PKHD1: variants seen among roughly 807,000 people sequenced by gnomAD.
The protein encoded by PKHD1 is PKHD1 ciliary IPT domain containing fibrocystin/polyductin.
Under a neutral mutation model 412.0 loss-of-function variants are expected in PKHD1, and 291 were observed. The ratio of observed to expected loss-of-function variants is 0.71; its 90% confidence interval spans 0.64 to 0.78. PKHD1 has a LOEUF of 0.78. Ranked by LOEUF, PKHD1 falls within the 30% of genes least tolerant of loss-of-function variation. PKHD1 has a pLI of 0.00. For missense variants in PKHD1, 4,825 were observed against 4,950.7 expected, an observed-to-expected ratio of 0.97 and a Z score of 0.76; for synonymous variants, 1,777 against 1,821.5, an observed-to-expected ratio of 0.98 and a Z score of 0.62.
At chr6:51,817,242 C>T (rs947149650) in intron 52 of PKHD1, among the ~76,000 whole-genome samples, 3 of 152,130 alleles carry the variant, frequency 2.0e-5, no homozygotes, top group African/African-American at 7.2e-5. Flanking sequence ...TATTTCCTTA[C>T]TACAGGTGAT....
chr6:51,951,348 C>T (rs1790340058), intron 36 of PKHD1, among the ~76,000 whole-genome samples: 1 of 151,934 alleles, frequency 6.6e-6, no homozygotes, highest in Admixed American at 6.6e-5. Flanking sequence ...AAAAAATCGT[C>T]TTTTTCCCGA....
intron 63 of PKHD1, among the ~76,000 whole-genome samples, chr6:51,644,580 G>A (rs139997687): frequency 2.2e-4 from 33 of 152,258 alleles, no homozygotes; most frequent in African/African-American, 7.5e-4. Context: ...TGTTTGAGCT[G>A]GCACATGAGT....
chr6:52,075,003 T>A (rs946298000), intron 6 of PKHD1, among the ~76,000 whole-genome samples: 4 of 152,202 alleles, frequency 2.6e-5, no homozygotes, highest in African/African-American at 9.7e-5. Context: ...CTAATGGCTG[T>A]CTGCTTCCTC....
chr6:51,844,158 T>C (rs1035584203), intron 50 of PKHD1, among the ~76,000 whole-genome samples: 25 of 152,192 alleles, frequency 1.6e-4, no homozygotes, highest in Non-Finnish European at 2.6e-4. Context: ...CTTGAATATA[T>C]TTGGATGTTT....
At chr6:51,797,521 T>A (rs575195510) in intron 52 of PKHD1, among the ~76,000 whole-genome samples, 1 of 152,214 alleles carries the variant, frequency 6.6e-6, no homozygotes, top group African/African-American at 2.4e-5. Flanking sequence ...AGTTAGCTCT[T>A]CTTGTTGAAT....
intron 53 of PKHD1, among the ~76,000 whole-genome samples, chr6:51,778,932 C>T (rs1159079617): frequency 2.6e-5 from 4 of 152,078 alleles, no homozygotes; most frequent in African/African-American, 4.8e-5. Context: ...TCTTAACTAA[C>T]TCTGATTCAT....
chr6:52,027,226 T>G (rs1337983421), intron 31 of PKHD1, among the ~76,000 whole-genome samples: 2 of 152,076 alleles, frequency 1.3e-5, no homozygotes, highest in African/African-American at 4.8e-5. Flanking sequence ...CATCCTCTTT[T>G]CATTAGAAAA....
chr6:51,870,797 G>C (rs1775868277), intron 46 of PKHD1, among the ~76,000 whole-genome samples, 158 bp from the exon 47 acceptor site: 1 of 151,670 alleles, frequency 6.6e-6, no homozygotes, highest in African/African-American at 2.4e-5. Context: ...CCTATATCCA[G>C]AATATAGAAA....
chr6:51,982,186 G>A (rs1204590349), intron 35 of PKHD1, among the ~76,000 whole-genome samples: 3 of 18,862 alleles, frequency 1.6e-4, no homozygotes, highest in South Asian at 2.1e-3. Context: ...GGAGGGAGGT[G>A]GGGGGGTCAG....
At chr6:51,906,482 C>A in intron 40 of PKHD1, 142 bp from the exon 41 acceptor site, 1 of 686,418 alleles carries the variant, frequency 1.5e-6, no homozygotes, top group South Asian at 1.6e-5. Context: ...AAGCAGCAAT[C>A]GAATCAAGAG....
chr6:51,657,836 T>C (rs1772141621), intron 61 of PKHD1, among the ~76,000 whole-genome samples: 1 of 152,130 alleles, frequency 6.6e-6, no homozygotes, highest in Admixed American at 6.6e-5. Flanking sequence ...AACTGAGTCG[T>C]CTTTTATATA....
At chr6:51,939,608 T>C (rs559564501) in intron 36 of PKHD1, among the ~76,000 whole-genome samples, 5 of 151,708 alleles carry the variant, frequency 3.3e-5, no homozygotes, top group Admixed American at 1.3e-4. Flanking sequence ...TCTAGATAAT[T>C]CTTATCGTAA....
intron 35 of PKHD1, among the ~76,000 whole-genome samples, chr6:51,967,652 G>A (rs76011463): frequency 4.9e-4 from 53 of 109,088 alleles, no homozygotes; most frequent in East Asian, 1.4e-3. Flanking sequence ...GTGTGTGTGT[G>A]TATGTGTGTG....
chr6:52,012,392 T>C (rs1262099926), intron 34 of PKHD1, among the ~76,000 whole-genome samples: 1 of 152,192 alleles, frequency 6.6e-6, no homozygotes, highest in Non-Finnish European at 1.5e-5. Flanking sequence ...TACATATCTC[T>C]CACTGGTTTA....
intron 37 of PKHD1, among the ~76,000 whole-genome samples, chr6:51,919,797 G>T (rs994716462): frequency 2.6e-5 from 4 of 152,174 alleles, no homozygotes; most frequent in South Asian, 2.1e-4. Flanking sequence ...TGTCCTCTTT[G>T]ATTTCCTTGA....
In PKHD1 at chr6:51,690,167, G is replaced by A. The variant is rs563316971; in HGVS notation, c.10157-30198C>T. Among the ~76,000 whole-genome samples, 116 of 151,612 alleles carry A rather than the reference G, an allele frequency of 7.7e-4. 1 individual carries two copies. The highest frequency in any genetic ancestry group is 2.5e-3 in the African/African-American group (104 of 41,300). Reference sequence around the variant, plus strand: ...TGCACCTGTAGACCCAGCTACTCCGGAGGCTGAGGCAGAAGAATCGCTTGA... The same window carrying A: ...TGCACCTGTAGACCCAGCTACTCCGAAGGCTGAGGCAGAAGAATCGCTTGA... On this transcript the variant is annotated intron_variant, in intron 60 of 66. Transcript: ENST00000371117.
At chr6:51,657,188 C>T (rs1178127232) in intron 61 of PKHD1, among the ~76,000 whole-genome samples, 1 of 151,526 alleles carries the variant, frequency 6.6e-6, no homozygotes, top group African/African-American at 2.4e-5. Context: ...AGTTCATGGG[C>T]TCGTCAATGG....
intron 52 of PKHD1, among the ~76,000 whole-genome samples, chr6:51,807,069 ACTT>A (rs1168492759): frequency 6.6e-6 from 1 of 152,084 alleles, no homozygotes; most frequent in Non-Finnish European, 1.5e-5. Context: ...TAAACATTAG[ACTT>A]CTTCTGCTAA....
chr6:51,950,281 T>C (rs904372930), intron 36 of PKHD1, among the ~76,000 whole-genome samples: 1 of 148,542 alleles, frequency 6.7e-6, no homozygotes, highest in Admixed American at 6.8e-5. Context: ...CAATAGCAGT[T>C]GGGAGAAACC....
Sources: allele counts gnomAD v4.1 joint callset (sites outside exome capture counted in the v4.1 genomes callset), GRCh38; gene constraint gnomAD v4.1.1; transcripts MANE v1.5; gene names NCBI Gene and HGNC (gene_info 2026-07-23, HGNC 2026-07-21).